DLG2: variants seen among roughly 807,000 people sequenced by gnomAD.
DLG2 encodes the protein discs large MAGUK scaffold protein 2.
DLG2 carries 45 observed loss-of-function variants against 132.5 expected under a neutral mutation model. The ratio of observed to expected loss-of-function variants is 0.34; its 90% confidence interval spans 0.27 to 0.44. DLG2 has a LOEUF of 0.44. Ranked by LOEUF, DLG2 falls within the 20% of genes least tolerant of loss-of-function variation. DLG2 has a pLI of 1.00. For synonymous variants in DLG2, 424 were observed against 419.6 expected (o/e 1.01, Z -0.13); for missense variants, 1,045 against 1,196.9 (o/e 0.87, Z 1.87).
chr11:84,303,321 T>G (rs2098177549), intron 7 of DLG2, among the ~76,000 whole-genome samples: 3 of 152,192 alleles, frequency 2.0e-5, no homozygotes, highest in Admixed American at 2.0e-4. Flanking sequence ...TAACCATAAC[T>G]GTAACAGTCA....
chr11:84,153,071 G>C (rs1566728140), intron 9 of DLG2, among the ~76,000 whole-genome samples: 1 of 152,112 alleles, frequency 6.6e-6, no homozygotes, highest in Non-Finnish European at 1.5e-5. Flanking sequence ...TGTCTGGAAA[G>C]GATTTTATTT....
chr11:85,455,065 C>T (rs907564374), intron 3 of DLG2, among the ~76,000 whole-genome samples: 1 of 152,082 alleles, frequency 6.6e-6, no homozygotes, highest in Non-Finnish European at 1.5e-5. Context: ...TAAAGAATGT[C>T]ATTGATAGTT....
chr11:85,169,310 G>A (rs1291576688), intron 4 of DLG2, among the ~76,000 whole-genome samples: 4 of 152,072 alleles, frequency 2.6e-5, no homozygotes, highest in South Asian at 4.1e-4. Flanking sequence ...GCTATCTTCC[G>A]TGTAAGTGTA....
rs568979559 is a variant in DLG2, at chr11:85,370,801, G to T, written c.41-85436C>A. Among the ~76,000 whole-genome samples, 22 of 152,270 alleles carry T rather than the reference G, an allele frequency of 1.4e-4. 2 individuals carry two copies. The South Asian group carries it at 4.6e-3, about 32-fold the overall frequency. On this transcript the variant is annotated intron_variant, in intron 3 of 27. Transcript: ENST00000376104. ...AGAGGTAAACAGGATTATTTGACAT[G>T]TTTAGGTAGATGGGATTTCCAAAAT...
At chr11:85,541,451 T>C (rs986518488) in intron 3 of DLG2, among the ~76,000 whole-genome samples, 5 of 151,288 alleles carry the variant, frequency 3.3e-5, no homozygotes, top group African/African-American at 1.2e-4. Flanking sequence ...CCCAATGTCA[T>C]ACAGATAATG....
intron 3 of DLG2, among the ~76,000 whole-genome samples, chr11:85,568,809 T>C (rs897220705): frequency 2.6e-5 from 4 of 152,152 alleles, no homozygotes; most frequent in Admixed American, 6.5e-5. Flanking sequence ...TTTTTTTTAA[T>C]AGTCTAGCTA....
chr11:84,606,870 C>T (rs1382917006), intron 6 of DLG2, among the ~76,000 whole-genome samples: 1 of 152,132 alleles, frequency 6.6e-6, no homozygotes, highest in Non-Finnish European at 1.5e-5. Flanking sequence ...CCAGTTCAAT[C>T]CCTTCCCCCC....
intron 6 of DLG2, among the ~76,000 whole-genome samples, chr11:84,844,550 A>G (rs1004485354): frequency 6.6e-6 from 1 of 151,658 alleles, no homozygotes; most frequent in Admixed American, 6.6e-5. Flanking sequence ...GTTTATCCCC[A>G]TCCTTCTCAC....
Position 85,507,250 on chromosome 11 carries a change from A to G in DLG2, c.40+91407T>C, listed in dbSNP as rs149651674. On this transcript the variant is annotated intron_variant, in intron 3 of 27. Transcript: ENST00000376104. ...CGTTATGTGTGAATTTGATCCTGTC[A>G]TTATGATGTTAGCTGGTTATTTTGC... 5.3e-3 allele frequency among the ~76,000 whole-genome samples: 811 copies of G among 152,300 alleles called. 9 individuals are homozygous for G. The highest frequency in any genetic ancestry group is 0.018 in the African/African-American group (752 of 41,556).
At chr11:84,537,272 A>AT (rs561844699) in intron 6 of DLG2, among the ~76,000 whole-genome samples, 15 of 151,516 alleles carry the variant, frequency 9.9e-5, no homozygotes, top group East Asian at 2.0e-4. Flanking sequence ...ACGCCTGGCT[A>AT]TTTTTTTTAT....
At chr11:85,280,401 T>A (rs72950141) in intron 4 of DLG2, among the ~76,000 whole-genome samples, 1 of 152,050 alleles carries the variant, frequency 6.6e-6, no homozygotes, top group Non-Finnish European at 1.5e-5. Flanking sequence ...ACAATGGCCA[T>A]GTAACTAGCA....
intron 6 of DLG2, among the ~76,000 whole-genome samples, chr11:84,987,119 C>T (rs969758623): frequency 2.6e-5 from 4 of 152,078 alleles, no homozygotes; most frequent in Admixed American, 6.6e-5. Flanking sequence ...ACACCAACAG[C>T]GACCAAGTGG....
At chr11:84,174,149 A>C (rs2095890165) in intron 8 of DLG2, among the ~76,000 whole-genome samples, 1 of 147,556 alleles carries the variant, frequency 6.8e-6, no homozygotes, top group African/African-American at 2.6e-5. Context: ...ATCTCTGTTA[A>C]GGAGATTTTT....
chr11:84,460,339 G>C (rs1439563464), intron 7 of DLG2, among the ~76,000 whole-genome samples: 1 of 150,144 alleles, frequency 6.7e-6, no homozygotes, highest in Non-Finnish European at 1.5e-5. Context: ...TTGACATCTG[G>C]GTAATATTAC....
intron 14 of DLG2, among the ~76,000 whole-genome samples, chr11:83,932,138 G>A (rs1160207835): frequency 6.7e-6 from 1 of 148,702 alleles, no homozygotes; most frequent in Admixed American, 6.9e-5. Context: ...AAGCCTTCTT[G>A]CAATACTGAC....
chr11:84,509,986 G>C (rs1234909102), intron 7 of DLG2, among the ~76,000 whole-genome samples: 1 of 151,216 alleles, frequency 6.6e-6, no homozygotes, highest in Non-Finnish European at 1.5e-5. Flanking sequence ...CAAATTCAAA[G>C]CAACAAAAAC....
chr11:85,315,516 A>G (rs1209563118), intron 3 of DLG2, among the ~76,000 whole-genome samples: 1 of 151,918 alleles, frequency 6.6e-6, no homozygotes, highest in East Asian at 1.9e-4. Flanking sequence ...AGACTGCTCT[A>G]CAACATGCTA....
intron 4 of DLG2, among the ~76,000 whole-genome samples, chr11:85,197,385 T>G (rs181156267): frequency 3.4e-4 from 52 of 152,264 alleles, no homozygotes; most frequent in Admixed American, 3.0e-3. Flanking sequence ...AAACTTTGCA[T>G]AAAATGTTAA....
chr11:83,918,217 A>T (rs2077244105), intron 15 of DLG2, among the ~76,000 whole-genome samples: 1 of 152,182 alleles, frequency 6.6e-6, no homozygotes, highest in African/African-American at 2.4e-5. Flanking sequence ...TTTACAGAGA[A>T]TGGAAAGAAG....
Sources: allele counts gnomAD v4.1 joint callset (sites outside exome capture counted in the v4.1 genomes callset), GRCh38; gene constraint gnomAD v4.1.1; transcripts MANE v1.5; gene names NCBI Gene and HGNC (gene_info 2026-07-23, HGNC 2026-07-21).